The following SLC25A33 variants were observed in gnomAD, a reference collection of about 807,000 sequenced individuals.
SLC25A33 encodes the protein bone marrow stromal cell mitochondrial carrier protein.
Under a neutral mutation model 35.5 loss-of-function variants are expected in SLC25A33, and 15 were observed. The ratio of observed to expected loss-of-function variants is 0.42; its 90% CI spans 0.28 to 0.65. SLC25A33 has a LOEUF of 0.65. Ranked by LOEUF, SLC25A33 falls within the 30% of genes least tolerant of loss-of-function variation. The pLI, the probability that SLC25A33 is intolerant of heterozygous loss-of-function variation, is 0.20. For synonymous variants in SLC25A33, 136 were observed against 148.7 expected (o/e 0.91, Z 0.62); for missense variants, 257 against 398.5 (o/e 0.64, Z 3.02).
At chr1:9,580,862 A>ATAAT (rs1553148152) in intron 6 of SLC25A33, among the ~76,000 whole-genome samples, 8 of 125,890 alleles carry the variant, frequency 6.4e-5, no homozygotes, top group African/African-American at 2.3e-4. Flanking sequence ...CTCAAAAAAA[A>ATAAT]AAAAATAATA....
intron 2 of SLC25A33, among the ~76,000 whole-genome samples, chr1:9,554,825 A>G (rs1273407052): frequency 6.6e-6 from 1 of 152,212 alleles, no homozygotes; most frequent in Non-Finnish European, 1.5e-5. Context: ...TTCTTAAGTC[A>G]AATTTGGCTT....
chr1:9,579,464 A>C (rs974937453), intron 5 of SLC25A33, among the ~76,000 whole-genome samples: 16 of 152,256 alleles, frequency 1.1e-4, no homozygotes, highest in Non-Finnish European at 2.2e-4. Context: ...TCAGGGAAAC[A>C]CTTAATGTTT....
intron 5 of SLC25A33, among the ~76,000 whole-genome samples, chr1:9,577,666 G>A (rs191846420): frequency 6.6e-6 from 1 of 152,128 alleles, no homozygotes; most frequent in South Asian, 2.1e-4. Context: ...GTTGGGCTTT[G>A]AGGGCAGTGG....
chr1:9,551,111 C>T (rs960648556), intron 1 of SLC25A33, among the ~76,000 whole-genome samples: 28 of 151,828 alleles, frequency 1.8e-4, no homozygotes, highest in South Asian at 2.1e-4. Flanking sequence ...AGGCCAGGTG[C>T]GTGGCTCACG....
chr1:9,560,499 G>A (rs543121952), intron 2 of SLC25A33, among the ~76,000 whole-genome samples: 1 of 152,244 alleles, frequency 6.6e-6, no homozygotes, highest in East Asian at 1.9e-4. Context: ...CGGAGGCGGA[G>A]GTTGCAGTGA....
intron 2 of SLC25A33, among the ~76,000 whole-genome samples, chr1:9,556,693 G>GTGTGTGTGTC (rs1208502566): frequency 1.3e-5 from 2 of 151,834 alleles, no homozygotes; most frequent in East Asian, 3.9e-4. Flanking sequence ...GTGTGTGTGT[G>GTGTGTGTGTC]TGTGTGTCTG....
intron 2 of SLC25A33, among the ~76,000 whole-genome samples, chr1:9,559,254 C>A (rs1174339380): frequency 1.3e-5 from 2 of 152,294 alleles, no homozygotes; most frequent in Non-Finnish European, 2.9e-5. Flanking sequence ...TCCCTCTTCA[C>A]CACCCCCTCC....
At chr1:9,562,049 CAA>C (rs55912108) in intron 2 of SLC25A33, among the ~76,000 whole-genome samples, 13 of 117,348 alleles carry the variant, frequency 1.1e-4, no homozygotes, top group Non-Finnish European at 1.2e-4. Context: ...GACTCCGTCT[CAA>C]AAAAAAAAAA....
intron 2 of SLC25A33, among the ~76,000 whole-genome samples, chr1:9,563,607 A>T (rs1643456728): frequency 6.6e-6 from 1 of 152,208 alleles, no homozygotes; most frequent in Non-Finnish European, 1.5e-5. Context: ...AATTGACAGG[A>T]TTTACTTTAC....
rs61782983 is a variant in SLC25A33 at position 9,555,325 on chromosome 1, A to C, written c.236+1520A>C. Among the ~76,000 whole-genome samples the C allele has an allele frequency of 1.4e-4, 22 of 151,802 alleles. 1 individual carries two copies. The East Asian group carries it at 2.7e-3, about 19-fold the overall frequency. ...AGTAGAGACGGGGTTTCACCATGTT[A>C]GCCAGGATGGTCTCGATTTCCTGAC... On this transcript the variant is annotated intron_variant, in intron 2 of 6. Transcript: ENST00000302692.
At chr1:9,561,322 A>G (rs1450970839) in intron 2 of SLC25A33, among the ~76,000 whole-genome samples, 2 of 152,186 alleles carry the variant, frequency 1.3e-5, no homozygotes, top group Non-Finnish European at 2.9e-5. Flanking sequence ...TAGGAACCAC[A>G]GTGTTCAGAT....
At chr1:9,556,671 G>A (rs1342419101) in intron 2 of SLC25A33, among the ~76,000 whole-genome samples, 1 of 151,340 alleles carries the variant, frequency 6.6e-6, no homozygotes, top group East Asian at 1.9e-4. Context: ...GATTGTGTGT[G>A]TGTCTGTGTC....
intron 5 of SLC25A33, chr1:9,576,580 A>AG: frequency 1.8e-6 from 1 of 564,604 alleles, no homozygotes; most frequent in South Asian, 1.4e-5. Flanking sequence ...GAGGCTCTGG[A>AG]GTGCCACACG....
Position 9,570,347 on chromosome 1 carries a change from C to T in SLC25A33, c.404C>T (p.Ala135Val). 1 of 1,613,730 alleles carries T rather than the reference C, an allele frequency of 6.2e-7. No individual in the cohort carries two copies. Among genetic ancestry groups the T allele is most frequent in the South Asian group, 1.1e-5 (1 of 91,052 alleles). Reference sequence around the variant, plus strand: ...AGCAATATTGTGCATATTTTCTCAGCTGGCTCTGCAGGTATGTTACCCTAG... The same window carrying T: ...AGCAATATTGTGCATATTTTCTCAGTTGGCTCTGCAGGTATGTTACCCTAG... ...PNSNIVHIFSAGSAAFITNSL... is the reference protein window; with the variant it reads ...PNSNIVHIFSVGSAAFITNSL... Residue 135 changes from alanine (A) to valine (V), a missense_variant, in exon 4 of 7, where the codon GCT (alanine) becomes GTT (valine). By Grantham distance (64) the Ala-to-Val change is moderately conservative (BLOSUM62 0). Coordinates refer to ENST00000302692, the MANE Select transcript of SLC25A33 (RefSeq NM_032315.3).
chr1:9,566,850 A>G (rs1462470099), intron 2 of SLC25A33, among the ~76,000 whole-genome samples: 2 of 151,490 alleles, frequency 1.3e-5, no homozygotes, highest in Admixed American at 1.3e-4. Context: ...CCGTCTAAAT[A>G]ATAATAATAA....
At chr1:9,558,478 G>C (rs529470212) in intron 2 of SLC25A33, among the ~76,000 whole-genome samples, 5 of 151,976 alleles carry the variant, frequency 3.3e-5, no homozygotes, top group African/African-American at 1.2e-4. Context: ...AGCCTCACAC[G>C]CTCCATCCGG....
rs571625673 is a variant in SLC25A33 at position 9,561,006 on chromosome 1, G to A, written c.237-6278G>A. On this transcript the variant is annotated intron_variant, in intron 2 of 6. Coordinates refer to ENST00000302692, the MANE Select transcript of SLC25A33 (RefSeq NM_032315.3). ...GCTCTGTCGCCCAGGCTGGAGTGCA[G>A]TGGCACCATCTCTGCTCACTGCAAC... Among the ~76,000 whole-genome samples the A allele has an allele frequency of 6.6e-3, 988 of 149,330 alleles. 10 individuals are homozygous for A. Among genetic ancestry groups the A allele is most frequent in the African/African-American group, 0.023 (946 of 40,362 alleles).
At chr1:9,554,546 A>G (rs927148253) in intron 2 of SLC25A33, among the ~76,000 whole-genome samples, 4 of 151,022 alleles carry the variant, frequency 2.6e-5, no homozygotes, top group Non-Finnish European at 5.9e-5. Context: ...TTTCATAGAG[A>G]TGGAGTTTCT....
intron 2 of SLC25A33, among the ~76,000 whole-genome samples, chr1:9,555,156 C>T (rs1320520128): frequency 5.6e-5 from 7 of 125,486 alleles, no homozygotes; most frequent in South Asian, 2.5e-4. Context: ...CTCACTCTGT[C>T]GCCCAGGCTG....
Sources: allele counts gnomAD v4.1 joint callset (sites outside exome capture counted in the v4.1 genomes callset), GRCh38; gene constraint gnomAD v4.1.1; transcripts MANE v1.5; gene names NCBI Gene and HGNC (gene_info 2026-07-23, HGNC 2026-07-21).